Variants in DNAH8 observed in about 807,000 individuals in gnomAD.
DNAH8 encodes axonemal beta dynein heavy chain 8.
Under a neutral mutation model 562.1 loss-of-function variants are expected in DNAH8, and 382 were observed. The ratio of observed to expected loss-of-function variants is 0.68; its 90% CI spans 0.63 to 0.74. The LOEUF (loss-of-function observed/expected upper bound fraction) is 0.74. Among genes scored for constraint, DNAH8 ranks in the 30% least tolerant of loss-of-function variants. DNAH8 has a pLI of 0.00. For synonymous variants in DNAH8, 1,881 were observed against 1,919.4 expected (o/e 0.98, Z 0.52); for missense variants, 5,203 against 5,620.4 (o/e 0.93, Z 2.37).
intron 7 of DNAH8, among the ~76,000 whole-genome samples, chr6:38,741,094 A>G (rs1764484845): frequency 6.6e-6 from 1 of 152,136 alleles, no homozygotes; most frequent in South Asian, 2.1e-4. Context: ...CCTTGGTTTT[A>G]AAGTGATATT....
At chr6:38,769,512 C>T (rs1490677943) in intron 11 of DNAH8, among the ~76,000 whole-genome samples, 1 of 152,136 alleles carries the variant, frequency 6.6e-6, no homozygotes, top group Non-Finnish European at 1.5e-5. Context: ...ATAGGAATCA[C>T]TATAGGAGAG....
intron 63 of DNAH8, among the ~76,000 whole-genome samples, chr6:38,906,770 A>C (rs1780513069): frequency 6.6e-6 from 1 of 152,156 alleles, no homozygotes; most frequent in Non-Finnish European, 1.5e-5. Flanking sequence ...CACTTCTGAA[A>C]CCGCTTGTAT....
At chr6:38,929,906 G>A (rs1211167036) in intron 75 of DNAH8, among the ~76,000 whole-genome samples, 1 of 151,902 alleles carries the variant, frequency 6.6e-6, no homozygotes, top group Admixed American at 6.6e-5. Context: ...AGTTTCTGAG[G>A]TGGGGGCAAT....
intron 87 of DNAH8, among the ~76,000 whole-genome samples, chr6:38,986,043 T>C (rs56113843): frequency 0.042 from 6,461 of 152,286 alleles, 446 homozygotes; most frequent in African/African-American, 0.14. Context: ...TGCTCACCCT[T>C]GTGGGGTGCA....
At chr6:38,991,576 A>G (rs141520545) in intron 88 of DNAH8, among the ~76,000 whole-genome samples, 2 of 152,292 alleles carry the variant, frequency 1.3e-5, no homozygotes, top group African/African-American at 4.8e-5. Flanking sequence ...CTCTGAGACA[A>G]GGTCAAAGAC....
chr6:39,002,494 T>C (rs905974789), intron 88 of DNAH8, among the ~76,000 whole-genome samples: 1 of 152,364 alleles, frequency 6.6e-6, no homozygotes, highest in Middle Eastern at 3.4e-3. Flanking sequence ...TTTTTAAAAC[T>C]GGGGTTGTGC....
rs569595790 is a variant in DNAH8, at chr6:38,967,551, A to C, written c.12452-4041A>C. ...TCCTTTACAATATTATTAAAAATAA[A>C]ATACTTAGGAATAAATTCAATAAAA... is the stretch of plus-strand genomic sequence containing the variant. On this transcript the variant is annotated intron_variant, in intron 82 of 92. Transcript: ENST00000327475. 1.1e-4 allele frequency among the ~76,000 whole-genome samples: 17 copies of C among 152,280 alleles called. No homozygotes were observed. In the South Asian group the frequency reaches 3.1e-3, roughly 28 times the overall value.
chr6:38,964,898 A>C (rs778755265), intron 82 of DNAH8, among the ~76,000 whole-genome samples: 1 of 152,032 alleles, frequency 6.6e-6, no homozygotes, highest in Non-Finnish European at 1.5e-5. Flanking sequence ...CCCTGTCTCT[A>C]TTAAAAATAC....
At chr6:38,874,430 A>G (rs1224140347) in intron 52 of DNAH8, among the ~76,000 whole-genome samples, 1 of 149,542 alleles carries the variant, frequency 6.7e-6, no homozygotes, top group Non-Finnish European at 1.5e-5. Flanking sequence ...TAGTGGTGCA[A>G]TCAATCATAA....
chr6:38,780,339 G>A (rs79644015), intron 15 of DNAH8, among the ~76,000 whole-genome samples: 1 of 152,118 alleles, frequency 6.6e-6, no homozygotes, highest in East Asian at 1.9e-4. Flanking sequence ...TCATTGCTGA[G>A]TATGTACCCA....
chr6:38,775,615 C>T (rs564203683), intron 12 of DNAH8, 139 bp from the exon 13 acceptor site: 2 of 584,486 alleles, frequency 3.4e-6, no homozygotes, highest in African/African-American at 1.9e-5. Context: ...GTTTTATCTC[C>T]TCTGGTTGGT....
chr6:38,772,578 T>C (rs192576450), intron 12 of DNAH8, among the ~76,000 whole-genome samples: 1 of 152,312 alleles, frequency 6.6e-6, no homozygotes, highest in Non-Finnish European at 1.5e-5. Context: ...GTTGTAGGAG[T>C]TCTTTATATA....
chr6:38,736,267 T>G (rs1764079312), intron 5 of DNAH8, among the ~76,000 whole-genome samples: 1 of 152,252 alleles, frequency 6.6e-6, no homozygotes, highest in South Asian at 2.1e-4. Flanking sequence ...AGCTAAATAT[T>G]TGTTTACATC....
chr6:38,921,640 G>C (rs1390602093), intron 71 of DNAH8, 134 bp downstream of exon 71: 2 of 1,012,222 alleles, frequency 2.0e-6, no homozygotes, highest in East Asian at 2.7e-5. Flanking sequence ...TGGATCTTTG[G>C]TGCTCAAAAT....
At chr6:38,842,593 T>G in intron 34 of DNAH8, 70 bp from the exon 35 acceptor site, 1 of 1,582,920 alleles carries the variant, frequency 6.3e-7, no homozygotes, top group Non-Finnish European at 8.6e-7. Context: ...AATATAATAG[T>G]GTATATACAT....
At chr6:38,818,780 C>G (rs570816540) in intron 26 of DNAH8, among the ~76,000 whole-genome samples, 8 of 152,220 alleles carry the variant, frequency 5.3e-5, no homozygotes, top group Non-Finnish European at 1.2e-4. Context: ...TAAACCTGGT[C>G]TGTATTCTTG....
chr6:38,886,733 A>G, intron 56 of DNAH8, 58 bp from the exon 57 acceptor site: 2 of 1,267,918 alleles, frequency 1.6e-6, no homozygotes, highest in Non-Finnish European at 2.3e-6. Flanking sequence ...ATTTTATTGA[A>G]GTTATGGAGG....
chr6:38,914,027 A>G (rs1170519635), intron 67 of DNAH8, 75 bp downstream of exon 67: 34 of 1,122,000 alleles, frequency 3.0e-5, no homozygotes, highest in South Asian at 7.9e-5. Flanking sequence ...AAATGGTACT[A>G]AAGAACAAGC....
intron 22 of DNAH8, 43 bp downstream of exon 22, chr6:38,803,354 A>AT (rs745805648): frequency 6.6e-7 from 1 of 1,520,580 alleles, no homozygotes; most frequent in Non-Finnish European, 9.0e-7. Flanking sequence ...AGATCTACAG[A>AT]TTCGTTCTTA....
Sources: allele counts gnomAD v4.1 joint callset (sites outside exome capture counted in the v4.1 genomes callset), GRCh38; gene constraint gnomAD v4.1.1; transcripts MANE v1.5; gene names NCBI Gene and HGNC (gene_info 2026-07-23, HGNC 2026-07-21).